Variants in MID1 observed in about 807,000 individuals in gnomAD.
MID1 encodes midline 1.
Under a neutral mutation model 40.4 loss-of-function variants are expected in MID1, and 7 were observed. That is an observed-to-expected ratio of 0.17 (90% CI 0.10 to 0.33). The LOEUF (loss-of-function observed/expected upper bound fraction) is 0.33, where lower values mean the gene tolerates loss of function less well. Ranked by LOEUF, MID1 falls within the 10% of genes least tolerant of loss-of-function variation. The pLI is 1.00. For missense variants in MID1, 367 were observed against 558.5 expected (o/e 0.66, Z 3.46); for synonymous variants, 229 against 221.2 (o/e 1.04, Z -0.31).
At chrX:10,619,079 T>G (rs1016170685) in intron 1 of MID1, among the ~76,000 whole-genome samples, 20 of 111,741 alleles carry the variant, frequency 1.8e-4, no homozygotes, top group Non-Finnish European at 3.8e-5. Context: ...AGTGTTTTTC[T>G]GCACTCACTG....
intron 3 of MID1, among the ~76,000 whole-genome samples, chrX:10,499,038 G>A (rs1034019254): frequency 8.9e-6 from 1 of 112,246 alleles, no homozygotes; most frequent in Non-Finnish European, 1.9e-5. Flanking sequence ...CAAAGTGGCT[G>A]CATTATTTTA....
At chrX:10,613,726 TATATATAGAGAGAG>T (rs1414025929) in intron 1 of MID1, among the ~76,000 whole-genome samples, 31 of 48,565 alleles carry the variant, frequency 6.4e-4, no homozygotes, top group Non-Finnish European at 9.7e-4. Context: ...TATATATATA[TATATATAGAGAGAG>T]AGAGAGAGAG....
chrX:10,508,481 A>C (rs1179929578), intron 3 of MID1, among the ~76,000 whole-genome samples: 1 of 112,269 alleles, frequency 8.9e-6, no homozygotes, highest in African/African-American at 3.2e-5. Context: ...TTTCAATTAC[A>C]TATGTGGCTC....
intron 1 of MID1, among the ~76,000 whole-genome samples, chrX:10,670,968 T>C (rs1232849368): frequency 8.9e-6 from 1 of 112,103 alleles, no homozygotes; most frequent in African/African-American, 3.2e-5. Context: ...TTTCTCAGTG[T>C]GGTTATAAAT....
chrX:10,704,324 G>A (rs1293203764), intron 1 of MID1, among the ~76,000 whole-genome samples: 1 of 111,355 alleles, frequency 9.0e-6, no homozygotes, highest in East Asian at 2.8e-4. Flanking sequence ...GCAGGTCAAC[G>A]TTTTCTTATG....
At chrX:10,650,298 C>T (rs1485856978) in intron 1 of MID1, among the ~76,000 whole-genome samples, 1 of 110,460 alleles carries the variant, frequency 9.1e-6, no homozygotes, top group Non-Finnish European at 1.9e-5. Flanking sequence ...GAGAGCTCCC[C>T]GCCATCTACA....
intron 1 of MID1, among the ~76,000 whole-genome samples, chrX:10,648,857 T>C (rs1936288829): frequency 9.0e-6 from 1 of 111,350 alleles, no homozygotes; most frequent in Non-Finnish European, 1.9e-5. Flanking sequence ...TCTGCCTTCT[T>C]TCCTGGTGTC....
At chrX:10,581,358 C>T (rs1935015394) in intron 1 of MID1, among the ~76,000 whole-genome samples, 1 of 112,859 alleles carries the variant, frequency 8.9e-6, no homozygotes, top group South Asian at 3.6e-4. Flanking sequence ...CATTTCCTTG[C>T]AAAGGCAGAT....
At chrX:10,476,315 T>A (rs1236403111) in intron 5 of MID1, among the ~76,000 whole-genome samples, 1 of 110,581 alleles carries the variant, frequency 9.0e-6, no homozygotes, top group Admixed American at 9.6e-5. Context: ...TACACAACAA[T>A]GTGAATGTCC....
intron 1 of MID1, among the ~76,000 whole-genome samples, chrX:10,579,823 A>G (rs1934963190): frequency 9.2e-6 from 1 of 108,639 alleles, no homozygotes; most frequent in Non-Finnish European, 1.9e-5. Flanking sequence ...GGCAACAGAA[A>G]GAGGAGTGAC....
chrX:10,707,304 A>G (rs1485199491), intron 1 of MID1, among the ~76,000 whole-genome samples: 1 of 111,444 alleles, frequency 9.0e-6, no homozygotes, highest in Non-Finnish European at 1.9e-5. Flanking sequence ...GAAGGGGAAG[A>G]AAGAATATGG....
intron 1 of MID1, among the ~76,000 whole-genome samples, chrX:10,794,406 T>C (rs2043954652): frequency 8.9e-6 from 1 of 112,239 alleles, no homozygotes; most frequent in Admixed American, 9.4e-5. Flanking sequence ...GTGAACAAAT[T>C]GTCATAGAAA....
chrX:10,458,133 G>A (rs1248092713), intron 8 of MID1, among the ~76,000 whole-genome samples: 1 of 112,502 alleles, frequency 8.9e-6, no homozygotes, highest in Non-Finnish European at 1.9e-5. Context: ...AACACACTTG[G>A]TGCTCAAACA....
At chrX:10,523,435 A>C (rs1018638783) in intron 2 of MID1, among the ~76,000 whole-genome samples, 3 of 112,003 alleles carry the variant, frequency 2.7e-5, no homozygotes, top group Non-Finnish European at 3.8e-5. Context: ...GGGATACTTA[A>C]CAGAATAATT....
At chrX:10,625,264 G>A (rs958876873), upstream of MID1, among the ~76,000 whole-genome samples, 3 of 111,153 alleles carry the variant, frequency 2.7e-5, no homozygotes, top group African/African-American at 9.8e-5. Context: ...TAACTAATGG[G>A]GTGTGGCCCA....
chrX:10,519,670 T>C (rs1276747075), intron 3 of MID1, among the ~76,000 whole-genome samples: 1 of 112,028 alleles, frequency 8.9e-6, no homozygotes, highest in Non-Finnish European at 1.9e-5. Context: ...TTTCTTTCCT[T>C]TTGTATGCCT....
chrX:10,726,117 C>T (rs1436064272), intron 1 of MID1, among the ~76,000 whole-genome samples: 1 of 111,450 alleles, frequency 9.0e-6, no homozygotes, highest in African/African-American at 3.3e-5. Flanking sequence ...GTAAATTATA[C>T]GTTCTGAGAT....
At chrX:10,665,350 C>CA (rs1422138222) in intron 1 of MID1, among the ~76,000 whole-genome samples, 1 of 111,419 alleles carries the variant, frequency 9.0e-6, no homozygotes, top group Non-Finnish European at 1.9e-5. Flanking sequence ...TTCTGGAATT[C>CA]AAAACACATG....
chrX:10,641,034 T>C (rs1173914690), intron 1 of MID1, among the ~76,000 whole-genome samples: 1 of 111,978 alleles, frequency 8.9e-6, no homozygotes, highest in African/African-American at 3.3e-5. Flanking sequence ...GGGAAATTTA[T>C]AGCACTAAAT....
Sources: gnomAD v4.1 joint callset for allele counts (sites outside exome capture counted in the v4.1 genomes callset) on GRCh38, gnomAD v4.1.1 for gene constraint, MANE v1.5 for transcripts, NCBI Gene and HGNC (gene_info 2026-07-23, HGNC 2026-07-21) for gene names.